DPYD: variants seen among roughly 807,000 people sequenced by gnomAD.
DPYD encodes the protein dihydropyrimidine dehydrogenase [NADP(+)].
A neutral mutation model predicts 116.2 loss-of-function variants in DPYD; 109 were observed. The ratio of observed to expected loss-of-function variants is 0.94; its 90% confidence interval spans 0.80 to 1.10. DPYD has a LOEUF of 1.10. Ranked by LOEUF, DPYD falls within the 50% of genes least tolerant of loss-of-function variation. The pLI, the probability that DPYD is intolerant of heterozygous loss-of-function variation, is 0.00. For missense variants in DPYD, 1,302 were observed against 1,254.5 expected (o/e 1.04, Z -0.57); for synonymous variants, 440 against 432.0 (o/e 1.02, Z -0.23).
At chr1:97,469,397 C>CAAAAAAAAAAAAAAAGAAA (rs1677504682) in intron 13 of DPYD, among the ~76,000 whole-genome samples, 9 of 80,806 alleles carry the variant, frequency 1.1e-4, no homozygotes, top group Non-Finnish European at 1.5e-4. Context: ...GCTAAAATTG[C>CAAAAAAAAAAAAAAAGAAA]AAAAAAAAAA....
At chr1:97,331,633 GGAAA>G (rs1304326703) in intron 16 of DPYD, among the ~76,000 whole-genome samples, 2 of 151,926 alleles carry the variant, frequency 1.3e-5, no homozygotes, top group Non-Finnish European at 2.9e-5. Context: ...CAAAGAAGGA[GGAAA>G]GAAAGACTAA....
intron 8 of DPYD, among the ~76,000 whole-genome samples, chr1:97,604,115 T>C (rs2095663): frequency 0.99 from 150,869 of 152,236 alleles, 74,769 homozygotes; most frequent in Middle Eastern, 1. Context: ...GCTGCTGGAA[T>C]TTGTTTTCTA....
chr1:97,466,327 G>GA (rs1459924420), intron 13 of DPYD, among the ~76,000 whole-genome samples: 1 of 152,182 alleles, frequency 6.6e-6, no homozygotes, highest in African/African-American at 2.4e-5. Flanking sequence ...CTAGCTTGCT[G>GA]AAGTAGCTTT....
intron 20 of DPYD, among the ~76,000 whole-genome samples, chr1:97,175,458 A>G (rs545412233): frequency 5.9e-5 from 9 of 152,310 alleles, no homozygotes; most frequent in African/African-American, 2.2e-4. Flanking sequence ...CATCTGCCAA[A>G]ACATTTCCTT....
intron 8 of DPYD, among the ~76,000 whole-genome samples, chr1:97,654,102 GT>G: frequency 6.6e-6 from 1 of 152,260 alleles, no homozygotes; most frequent in South Asian, 2.1e-4. Flanking sequence ...AAATTAACGA[GT>G]TAAGTAAAGA....
chr1:97,521,813 A>G (rs1376405360), intron 12 of DPYD, among the ~76,000 whole-genome samples: 1 of 152,212 alleles, frequency 6.6e-6, no homozygotes, highest in Non-Finnish European at 1.5e-5. Context: ...TGGGGAAAGG[A>G]TTCCCTATTT....
At chr1:97,789,474 A>G (rs1667208330) in intron 3 of DPYD, among the ~76,000 whole-genome samples, 1 of 152,248 alleles carries the variant, frequency 6.6e-6, no homozygotes, top group African/African-American at 2.4e-5. Flanking sequence ...GATCAGTAAG[A>G]TACAAAACCC....
chr1:97,118,944 A>C (rs936318774), intron 20 of DPYD, among the ~76,000 whole-genome samples: 1 of 152,176 alleles, frequency 6.6e-6, no homozygotes, highest in Non-Finnish European at 1.5e-5. Context: ...GAAAAAAAAT[A>C]ATGGAAGAGG....
At chr1:97,431,521 A>G (rs972542077) in intron 14 of DPYD, among the ~76,000 whole-genome samples, 9 of 152,080 alleles carry the variant, frequency 5.9e-5, no homozygotes, top group Admixed American at 5.2e-4. Context: ...ACACTGTGGC[A>G]TATTTTTTCT....
At chr1:97,221,252 C>T (rs1298569997) in intron 19 of DPYD, among the ~76,000 whole-genome samples, 1 of 131,760 alleles carries the variant, frequency 7.6e-6, no homozygotes, top group Non-Finnish European at 1.7e-5. Flanking sequence ...ATTTTGAATT[C>T]CTCTTTCATT....
At chr1:97,764,142 C>T (rs960985698) in intron 3 of DPYD, among the ~76,000 whole-genome samples, 5 of 150,542 alleles carry the variant, frequency 3.3e-5, no homozygotes, top group African/African-American at 1.2e-4. Context: ...GAAATAAAAC[C>T]GATGAAGGGG....
intron 2 of DPYD, among the ~76,000 whole-genome samples, chr1:97,859,635 TC>T (rs1484650659): frequency 6.6e-6 from 1 of 152,158 alleles, no homozygotes; most frequent in East Asian, 1.9e-4. Context: ...TCTTCTTTGG[TC>T]TCTTGAACAT....
chr1:97,258,727 G>A (rs1000378367), intron 18 of DPYD, among the ~76,000 whole-genome samples: 1 of 152,120 alleles, frequency 6.6e-6, no homozygotes, highest in Non-Finnish European at 1.5e-5. Context: ...GGGCCTCTGA[G>A]AATTTTGAGC....
chr1:97,123,000 A>G (rs1254837298), intron 20 of DPYD, among the ~76,000 whole-genome samples: 1 of 152,110 alleles, frequency 6.6e-6, no homozygotes, highest in East Asian at 1.9e-4. Flanking sequence ...TTTTTCTTCT[A>G]TACTTGGATC....
intron 20 of DPYD, among the ~76,000 whole-genome samples, chr1:97,130,001 A>G (rs1653152423): frequency 6.6e-6 from 1 of 152,186 alleles, no homozygotes; most frequent in South Asian, 2.1e-4. Flanking sequence ...ATATTCTATT[A>G]GAAGGTAAAA....
chr1:97,710,035 ACTC>A (rs1159155373), intron 5 of DPYD, among the ~76,000 whole-genome samples: 1 of 151,806 alleles, frequency 6.6e-6, no homozygotes, highest in African/African-American at 2.4e-5. Flanking sequence ...AGAGGATTAT[ACTC>A]TTGCAAGTGT....
intron 1 of DPYD, among the ~76,000 whole-genome samples, chr1:97,892,564 G>A (rs193095881): frequency 5.3e-5 from 8 of 151,744 alleles, no homozygotes; most frequent in African/African-American, 1.9e-4. Context: ...ATCAACCTTA[G>A]AGTCTGAAAA....
intron 19 of DPYD, among the ~76,000 whole-genome samples, chr1:97,212,326 T>A (rs532451880): frequency 6.6e-6 from 1 of 152,262 alleles, no homozygotes; most frequent in South Asian, 2.1e-4. Context: ...CAAATATTAG[T>A]ATTTTGTGTC....
intron 8 of DPYD, among the ~76,000 whole-genome samples, chr1:97,607,019 T>C (rs1163318352): frequency 1.3e-5 from 2 of 151,942 alleles, no homozygotes; most frequent in Admixed American, 6.6e-5. Context: ...GATGCAAATT[T>C]TGAATGAAAT....
Sources: gnomAD v4.1 joint callset for allele counts (sites outside exome capture counted in the v4.1 genomes callset) on GRCh38, gnomAD v4.1.1 for gene constraint, MANE v1.5 for transcripts, NCBI Gene and HGNC (gene_info 2026-07-23, HGNC 2026-07-21) for gene names.